Variants in CACNG2 observed in about 807,000 individuals in gnomAD.
CACNG2 encodes calcium voltage-gated channel auxiliary subunit gamma 2.
Under a neutral mutation model 25.9 loss-of-function variants are expected in CACNG2, and 3 were observed. That is an observed-to-expected ratio of 0.12 (90% CI 0.05 to 0.30). The LOEUF is 0.30. Ranked by LOEUF, CACNG2 falls within the 10% of genes least tolerant of loss-of-function variation. The probability of loss-of-function intolerance (pLI) is 1.00; values close to 1 mark genes in which losing one functional copy is unlikely to be tolerated. For synonymous variants in CACNG2, 167 were observed against 173.3 expected (o/e 0.96, Z 0.29); for missense variants, 341 against 432.5 (o/e 0.79, Z 1.88).
intron 1 of CACNG2, among the ~76,000 whole-genome samples, chr22:36,669,786 C>T (rs1936924218): frequency 6.6e-6 from 1 of 152,046 alleles, no homozygotes; most frequent in Admixed American, 6.6e-5. Context: ...GATCTCAGCT[C>T]ACTGCAACCT....
chr22:36,585,756 C>G (rs1349565845), intron 2 of CACNG2, among the ~76,000 whole-genome samples: 1 of 152,238 alleles, frequency 6.6e-6, no homozygotes, highest in African/African-American at 2.4e-5. Flanking sequence ...CTTCAGAATC[C>G]TGTCGTTGCC....
chr22:36,582,401 TC>T (rs1281056264), intron 2 of CACNG2, among the ~76,000 whole-genome samples: 2 of 140,136 alleles, frequency 1.4e-5, no homozygotes, highest in Admixed American at 7.5e-5. Context: ...GTTTGCTCTT[TC>T]TTTCTTTCTT....
At position 36,702,798 on chromosome 22, in the gene CACNG2, CTTG is replaced by C; in HGVS notation, c.-225_-223del. 2.3e-6 allele frequency: 1 copy of C among 439,538 alleles called. No individual in the cohort carries two copies. Among genetic ancestry groups the C allele is most frequent in the Non-Finnish European group, 4.0e-6 (1 of 250,396 alleles). 27.2% of individuals were successfully genotyped at this position (439,538 alleles called of 1,614,324 possible). ...ATTATAAAGATCACACGGGAAGAGG[CTTG>C]CCTTTTGAGATCAGAAACTGTTCCA... On this transcript the variant is annotated 5_prime_UTR_variant, in exon 1 of 4. Transcript: ENST00000300105.
At chr22:36,589,307 A>ATATG (rs1569022176) in intron 1 of CACNG2, among the ~76,000 whole-genome samples, 1 of 151,646 alleles carries the variant, frequency 6.6e-6, no homozygotes, top group Non-Finnish European at 1.5e-5. Flanking sequence ...ATATATATAT[A>ATATG]TGTGTGTGTG....
chr22:36,570,074 C>T (rs1375603354), intron 2 of CACNG2, among the ~76,000 whole-genome samples: 1 of 152,222 alleles, frequency 6.6e-6, no homozygotes, highest in African/African-American at 2.4e-5. Context: ...ATTGTGCCCT[C>T]ACAGCAAATG....
Position 36,564,522 on chromosome 22 carries a change from C to G in CACNG2, c.801G>C (p.Glu267Asp). The stretch of plus-strand genomic sequence containing the variant: ...CCCTGCTGAGCGTGTACATGGAGAT[C>G]TCCGTGGACGGCAGGGTGTTGAAGC... ...IKGFNTLPST[E>D]ISMYTLSRDP... Residue 267 changes from glutamate (E) to aspartate (D), a missense_variant, in exon 4 of 4, where the codon GAG (glutamate) becomes GAC (aspartate). Glu to Asp is a conservative substitution (Grantham distance 45). Transcript: ENST00000300105. The surrounding 1 kb of genome is among the most constrained non-coding windows in gnomAD (Gnocchi z 6.7). The G allele has an allele frequency of 6.2e-7, 1 of 1,614,110 alleles. No individual in the cohort carries two copies. Among genetic ancestry groups the G allele is most frequent in the Non-Finnish European group, 8.5e-7 (1 of 1,179,992 alleles).
chr22:36,635,589 C>T (rs1052081977), intron 1 of CACNG2, among the ~76,000 whole-genome samples: 2 of 152,168 alleles, frequency 1.3e-5, no homozygotes, highest in African/African-American at 4.8e-5. Flanking sequence ...TCCCAGGAAA[C>T]TGTAGCTTCA....
chr22:36,585,083 AC>A, intron 2 of CACNG2: 1 of 152,058 alleles, frequency 6.6e-6, no homozygotes, highest in East Asian at 1.9e-4. Flanking sequence ...ATATTCACCC[AC>A]CCAGTCACTT....
chr22:36,601,874 T>C (rs971322505), intron 1 of CACNG2, among the ~76,000 whole-genome samples: 1 of 150,766 alleles, frequency 6.6e-6, no homozygotes, highest in Non-Finnish European at 1.5e-5. Flanking sequence ...TCTATTTTTA[T>C]TTTTTTTTGA....
chr22:36,673,627 G>C (rs1186068442), intron 1 of CACNG2, among the ~76,000 whole-genome samples: 1 of 151,934 alleles, frequency 6.6e-6, no homozygotes. Context: ...TATGCTGGCA[G>C]GGAACGAGCG....
chr22:36,570,413 G>C (rs1395786398), intron 2 of CACNG2, among the ~76,000 whole-genome samples: 12 of 152,196 alleles, frequency 7.9e-5, no homozygotes, highest in African/African-American at 2.9e-4. Context: ...CTTCGGCACA[G>C]AAGAGCCAGC....
At chr22:36,675,297 G>A (rs575622520) in intron 1 of CACNG2, among the ~76,000 whole-genome samples, 27 of 151,918 alleles carry the variant, frequency 1.8e-4, no homozygotes, top group South Asian at 4.2e-4. Flanking sequence ...TTCCCGCCTC[G>A]GTCCCCAAAG....
intron 1 of CACNG2, among the ~76,000 whole-genome samples, chr22:36,698,663 G>C (rs1420207793): frequency 6.6e-6 from 1 of 152,178 alleles, no homozygotes; most frequent in Non-Finnish European, 1.5e-5. Context: ...GGCAAGAAAG[G>C]AGAAGCCACT....
intron 1 of CACNG2, among the ~76,000 whole-genome samples, chr22:36,647,690 T>C (rs900701688): frequency 6.6e-6 from 1 of 152,356 alleles, no homozygotes; most frequent in African/African-American, 2.4e-5. Context: ...CAATTTGCTG[T>C]CCCACCTCAG....
chr22:36,609,409 G>GA (rs1935893663), intron 1 of CACNG2, among the ~76,000 whole-genome samples: 2 of 85,628 alleles, frequency 2.3e-5, no homozygotes, highest in Non-Finnish European at 5.6e-5. Context: ...GAGCGTGATC[G>GA]GGAGGAATCA....
chr22:36,627,646 T>C (rs997094799), intron 1 of CACNG2, among the ~76,000 whole-genome samples: 3 of 151,224 alleles, frequency 2.0e-5, no homozygotes, highest in Non-Finnish European at 4.4e-5. Flanking sequence ...ACTTTGATTT[T>C]TTTTTTTTTT....
chr22:36,662,428 CCTTCT>C (rs1442587805), intron 1 of CACNG2, among the ~76,000 whole-genome samples: 9 of 152,186 alleles, frequency 5.9e-5, no homozygotes, highest in Non-Finnish European at 8.8e-5. Flanking sequence ...ACCCCTGCTT[CCTTCT>C]CTTCTCTTAT....
chr22:36,575,249 A>G (rs1395423604), intron 2 of CACNG2, among the ~76,000 whole-genome samples: 1 of 152,212 alleles, frequency 6.6e-6, no homozygotes, highest in Non-Finnish European at 1.5e-5. Flanking sequence ...TGACAGAAAT[A>G]AAGAGTATCC....
At chr22:36,635,283 C>CAA (rs138390510) in intron 1 of CACNG2, among the ~76,000 whole-genome samples, 1,071 of 67,596 alleles carry the variant, frequency 0.016, 13 homozygotes, top group African/African-American at 0.04. Context: ...GACCCCGTCT[C>CAA]AAAAAAAAAA....
Sources: allele counts gnomAD v4.1 joint callset (sites outside exome capture counted in the v4.1 genomes callset), GRCh38; gene constraint gnomAD v4.1.1; non-coding constraint Gnocchi (gnomAD v3.1); transcripts MANE v1.5; gene names NCBI Gene and HGNC (gene_info 2026-07-23, HGNC 2026-07-21).